VPS13D: variants seen among roughly 807,000 people sequenced by gnomAD.
The protein encoded by VPS13D is intermembrane lipid transfer protein VPS13D.
VPS13D carries 187 observed loss-of-function variants against 461.9 expected under a neutral mutation model. That is an observed-to-expected ratio of 0.40 (90% CI 0.36 to 0.46). The LOEUF (loss-of-function observed/expected upper bound fraction) is 0.46. Among genes scored for constraint, VPS13D ranks in the 20% least tolerant of loss-of-function variants. The probability of loss-of-function intolerance (pLI) is 0.60; values close to 1 mark genes in which losing one functional copy is unlikely to be tolerated. For synonymous variants in VPS13D, 1,951 were observed against 1,986.3 expected (o/e 0.98, Z 0.47); for missense variants, 4,711 against 5,364.9 (o/e 0.88, Z 3.81).
chr1:12,318,335 C>T lies in VPS13D; in HGVS notation c.7412C>T (p.Thr2471Ile). Residue 2471 changes from threonine (T) to isoleucine (I), a missense_variant and splice_region_variant, in exon 31 of 70, where the codon ACA becomes ATA. By Grantham distance (89) the Thr-to-Ile change is moderately conservative. Around this residue, in one of 3 missense-constraint regions of VPS13D, gnomAD observed 4,411 missense variants for 4,937.8 expected, o/e 0.89. Transcript: ENST00000620676. ...CACCTGGAGGTCAAGGTCAATGTAACAGGTGATTATATGTGGGTGTGATTC... is the reference window on the plus strand; with the variant it reads ...CACCTGGAGGTCAAGGTCAATGTAATAGGTGATTATATGTGGGTGTGATTC... The part of the protein sequence containing the change: ...ERHLEVKVNV[T>I]GTEFVVIEDV... The T allele has an allele frequency of 1.9e-6, 3 of 1,607,680 alleles. No individual in the cohort carries two copies. Among genetic ancestry groups the T allele is most frequent in the Non-Finnish European group, 2.6e-6 (3 of 1,174,874 alleles).
intron 67 of VPS13D, among the ~76,000 whole-genome samples, chr1:12,463,057 G>GA: frequency 6.7e-6 from 1 of 149,490 alleles, no homozygotes. Flanking sequence ...GTAGGCTGCA[G>GA]AAAAAAAGGA....
At chr1:12,288,971 A>G (rs1325627419) in intron 22 of VPS13D, among the ~76,000 whole-genome samples, 1 of 152,136 alleles carries the variant, frequency 6.6e-6, no homozygotes, top group African/African-American at 2.4e-5. Context: ...CCTTCCAGAT[A>G]GCTGGAATTA....
At chr1:12,301,108 T>C (rs1259025890) in intron 25 of VPS13D, among the ~76,000 whole-genome samples, 1 of 152,236 alleles carries the variant, frequency 6.6e-6, no homozygotes, top group Non-Finnish European at 1.5e-5. Context: ...TGAATGCTTA[T>C]TATACATCAG....
intron 68 of VPS13D, among the ~76,000 whole-genome samples, chr1:12,503,423 A>T (rs1283603281): frequency 1.3e-5 from 2 of 151,846 alleles, no homozygotes; most frequent in Non-Finnish European, 2.9e-5. Context: ...GGCTCCAGCG[A>T]TCCTCCCACC....
chr1:12,278,800 A>G (rs1641694875), intron 19 of VPS13D, among the ~76,000 whole-genome samples: 1 of 152,208 alleles, frequency 6.6e-6, no homozygotes, highest in African/African-American at 2.4e-5. Context: ...ATATTCTGCC[A>G]TCTTCTTCTA....
intron 2 of VPS13D, among the ~76,000 whole-genome samples, chr1:12,241,888 A>G (rs1372108176): frequency 3.9e-5 from 6 of 152,194 alleles, no homozygotes; most frequent in Non-Finnish European, 7.4e-5. Context: ...CTGTGCTTCA[A>G]TCCCAGAGAT....
chr1:12,409,193 A>G (rs1342633628), intron 63 of VPS13D, among the ~76,000 whole-genome samples: 1 of 152,100 alleles, frequency 6.6e-6, no homozygotes, highest in Admixed American at 6.6e-5. Context: ...TGAAAACTAC[A>G]TGTTCAGAGA....
intron 61 of VPS13D, 71 bp from the exon 62 acceptor site, chr1:12,401,537 G>A: frequency 1.8e-6 from 2 of 1,118,998 alleles, no homozygotes; most frequent in Non-Finnish European, 1.3e-6. Context: ...TGTCATTGAG[G>A]CCTTCTTAAT....
chr1:12,356,387 C>A lies in VPS13D; in HGVS notation c.9872-11C>A, dbSNP rs183669748. On this transcript the variant is annotated splice_polypyrimidine_tract_variant and intron_variant, in intron 48 of 69. Coordinates refer to ENST00000620676, the MANE Select transcript of VPS13D (RefSeq NM_015378.4). ...GTGGTATTGATGTAAACTTTTCTCT[C>A]CTTCCTAAAGGGTTGCCACTGATCT... The A allele has an allele frequency of 6.2e-7, 1 of 1,610,286 alleles. No individual in the cohort carries two copies. Among genetic ancestry groups the A allele is most frequent in the Non-Finnish European group, 8.5e-7 (1 of 1,178,426 alleles).
rs540443474 is a variant in VPS13D at position 12,446,754 on chromosome 1, G to T, written c.12334-9244G>T. 1.6e-4 allele frequency among the ~76,000 whole-genome samples: 24 copies of T among 152,322 alleles called. 1 individual carries two copies. In the South Asian group the frequency reaches 4.8e-3, roughly 30 times the overall value. The stretch of plus-strand genomic sequence containing the variant: ...GGAAATCATTCTCCTATAAGAAGCT[G>T]GGGTGGAAGAGGAGACCTCTCCTCC... On this transcript the variant is annotated intron_variant, in intron 65 of 69. Coordinates refer to ENST00000620676, the MANE Select transcript of VPS13D (RefSeq NM_015378.4).
rs1305763997 is a variant in VPS13D at position 12,505,301 on chromosome 1, C to A, written c.12795-1552C>A. On this transcript the variant is annotated intron_variant, in intron 68 of 69. Transcript: ENST00000620676. The surrounding 1 kb of genome is among the most constrained non-coding windows in gnomAD (Gnocchi z 4.2). ...CGGACCAGCTATTTCAGATTCCATT[C>A]AACTCTGTTCAGTGATGCTGCCGCT... is the stretch of plus-strand genomic sequence containing the variant. 6.6e-6 allele frequency among the ~76,000 whole-genome samples: 1 copy of A among 152,228 alleles called. No homozygotes were observed. Among genetic ancestry groups the A allele is most frequent in the Non-Finnish European group, 1.5e-5 (1 of 68,032 alleles).
chr1:12,418,265 G>C (rs188729723), intron 65 of VPS13D, among the ~76,000 whole-genome samples: 116 of 152,262 alleles, frequency 7.6e-4, no homozygotes, highest in Admixed American at 2.2e-3. Flanking sequence ...TGAGACTCAG[G>C]TTCAAAGTCT....
At chr1:12,241,774 C>A (rs1166883804) in intron 2 of VPS13D, among the ~76,000 whole-genome samples, 1 of 152,120 alleles carries the variant, frequency 6.6e-6, no homozygotes, top group Non-Finnish European at 1.5e-5. Flanking sequence ...CTTTTGAAGA[C>A]CAGTTTCATT....
intron 67 of VPS13D, among the ~76,000 whole-genome samples, chr1:12,484,977 T>C (rs1022495296): frequency 7.3e-5 from 11 of 151,516 alleles, no homozygotes; most frequent in Non-Finnish European, 1.6e-4. Context: ...TACACACACG[T>C]GTGTGTGTGT....
At chr1:12,382,131 C>T (rs1381018453) in intron 57 of VPS13D, among the ~76,000 whole-genome samples, 4 of 150,172 alleles carry the variant, frequency 2.7e-5, no homozygotes, top group East Asian at 3.9e-4. Flanking sequence ...GACAAAGTGT[C>T]GCTCTTGTTG....
At chr1:12,414,103 G>A (rs1644765660) in intron 63 of VPS13D, among the ~76,000 whole-genome samples, 1 of 152,146 alleles carries the variant, frequency 6.6e-6, no homozygotes. Context: ...GGGCAACATG[G>A]TGAAAACCCT....
rs60615824 is a variant in VPS13D at position 12,272,392 on chromosome 1, G to GGTGTGTGT, written c.2104-580_2104-573dup. ...GAGAATTAGTCCTGTTTTTTGTTTT[G>GGTGTGTGT]GTGTGTGTGTGTGTGTGTGTGTGTG... is the stretch of plus-strand genomic sequence containing the variant. On this transcript the variant is annotated intron_variant, in intron 17 of 69. Coordinates refer to ENST00000620676, the MANE Select transcript of VPS13D (RefSeq NM_015378.4). Among the ~76,000 whole-genome samples, 107 of 143,126 alleles carry GGTGTGTGT rather than the reference G, an allele frequency of 7.5e-4. 1 individual carries two copies. Among genetic ancestry groups the GGTGTGTGT allele is most frequent in the Middle Eastern group, 7.1e-3 (2 of 280 alleles). 93.9% of individuals were successfully genotyped at this position (143,126 alleles called of 152,430 possible). A position where few individuals can be genotyped will look rare whatever the true frequency, so the allele number is the denominator to read the frequency against.
In VPS13D at chr1:12,466,228, C is replaced by T. The variant is rs576831529; in HGVS notation, c.12662+5832C>T. Among the ~76,000 whole-genome samples, 248 of 152,120 alleles carry T rather than the reference C, an allele frequency of 1.6e-3. 4 individuals carry two copies. Among genetic ancestry groups the T allele is most frequent in the African/African-American group, 5.8e-3 (241 of 41,484 alleles). Reference sequence around the variant, plus strand: ...GGTAATACTGCTTTTAATTACTCTGCTCTGAGAGCAGCCATTTCTTATACT... The same window carrying T: ...GGTAATACTGCTTTTAATTACTCTGTTCTGAGAGCAGCCATTTCTTATACT... On this transcript the variant is annotated intron_variant, in intron 67 of 69. Transcript: ENST00000620676.
intron 65 of VPS13D, among the ~76,000 whole-genome samples, chr1:12,455,661 G>A (rs948814654): frequency 1.3e-5 from 2 of 152,160 alleles, no homozygotes; most frequent in African/African-American, 4.8e-5. Flanking sequence ...GCTCACGCCT[G>A]TAATCCCAGC....
Sources: allele counts gnomAD v4.1 joint callset (sites outside exome capture counted in the v4.1 genomes callset), GRCh38; gene constraint gnomAD v4.1.1; regional missense constraint gnomAD v4.1.1; non-coding constraint Gnocchi (gnomAD v3.1); transcripts MANE v1.5; gene names NCBI Gene and HGNC (gene_info 2026-07-23, HGNC 2026-07-21).